The following ARHGEF17 variants were observed in gnomAD, a reference collection of about 807,000 sequenced individuals.
ARHGEF17 encodes the protein 164 kDa Rho-specific guanine-nucleotide exchange factor.
Under a neutral mutation model 174.0 loss-of-function variants are expected in ARHGEF17, and 80 were observed. The ratio of observed to expected loss-of-function variants is 0.46; its 90% CI spans 0.38 to 0.55. The LOEUF is 0.55. ARHGEF17 is among the 20% of genes least tolerant of loss of function. The probability of loss-of-function intolerance (pLI) is 0.00; values close to 1 mark genes in which losing one functional copy is unlikely to be tolerated. For synonymous variants in ARHGEF17, 1,311 were observed against 1,189.1 expected, an observed-to-expected ratio of 1.10 and a Z score of -2.11; for missense variants, 2,886 against 2,839.7, an observed-to-expected ratio of 1.02 and a Z score of -0.37.
intron 1 of ARHGEF17, among the ~76,000 whole-genome samples, chr11:73,321,330 C>T (rs991393304): frequency 6.6e-6 from 1 of 152,304 alleles, no homozygotes; most frequent in Admixed American, 6.5e-5. Flanking sequence ...TCAGCCCACA[C>T]GGGGAGGAGA....
chr11:73,364,141 T>C, intron 16 of ARHGEF17, 31 bp from the exon 17 acceptor site: 1 of 1,612,802 alleles, frequency 6.2e-7, no homozygotes. Flanking sequence ...CTGCCTGAAC[T>C]CCCTTACTGC....
At position 73,357,256 on chromosome 11, in the gene ARHGEF17, G is replaced by C; in HGVS notation, c.4016G>C (p.Ser1339Thr). 1.2e-6 allele frequency: 2 copies of C among 1,613,984 alleles called. No individual in the cohort carries two copies. Among genetic ancestry groups the C allele is most frequent in the Non-Finnish European group, 1.7e-6 (2 of 1,179,892 alleles). Residue 1339 changes from serine (S) to threonine (T), a missense_variant, in exon 9 of 21, where the codon AGT becomes ACT. Physicochemically the swap from Ser to Thr is moderately conservative, Grantham distance 58. This residue lies in a region of ARHGEF17 where 353 missense variants were observed against 470.3 expected (regional missense o/e 0.75). Coordinates refer to ENST00000263674, the MANE Select transcript of ARHGEF17 (RefSeq NM_014786.4). The part of the protein sequence containing the change: ...RSSMSLYTAA[S>T]VIDTASKYKM... ...GCTCCCCACAGGTACACGGCAGCCA[G>C]TGTCATTGACACAGCCAGCAAGTAC...
At chr11:73,316,139 A>G (rs183803224) in intron 1 of ARHGEF17, among the ~76,000 whole-genome samples, 18 of 152,350 alleles carry the variant, frequency 1.2e-4, no homozygotes, top group Admixed American at 5.9e-4. Context: ...GAGCTTGAAC[A>G]CTGAGCAAGA....
chr11:73,340,832 C>G (rs12291164), intron 1 of ARHGEF17, among the ~76,000 whole-genome samples: 9,143 of 152,294 alleles, frequency 0.06, 970 homozygotes, highest in African/African-American at 0.21. Flanking sequence ...AGCCACCACT[C>G]AGTCAATTGG....
Position 73,309,800 on chromosome 11 carries a change from C to T in ARHGEF17, c.1162C>T (p.Arg388Cys), listed in dbSNP as rs200132734. 6.2e-6 allele frequency: 10 copies of T among 1,612,950 alleles called. No individual in the cohort carries two copies. The Admixed American group carries it at 1.3e-4, about 22-fold the overall frequency. ...PSYLASPAGS[R>C]GSSRYSSTET... ...GTACCTGGCCAGCCCCGCAGGCTCC[C>T]GCGGTAGCAGCCGTTATTCCAGCAC... Residue 388 changes from arginine to cysteine, a missense_variant, in exon 1 of 21, where the codon CGC becomes TGC. Around this residue, in one of 4 missense-constraint regions of ARHGEF17, gnomAD observed 1,728 missense variants for 1,461.2 expected, o/e 1.18. Transcript: ENST00000263674.
chr11:73,351,961 C>T (rs1865561853), intron 2 of ARHGEF17, among the ~76,000 whole-genome samples: 1 of 152,064 alleles, frequency 6.6e-6, no homozygotes, highest in Non-Finnish European at 1.5e-5. Flanking sequence ...GTTTTAATAT[C>T]CCTAAATCAG....
rs778221186 is a variant in ARHGEF17, at chr11:73,308,893, C to A, written c.255C>A (p.Leu85=). ...GCCTCTCGCCGTCGGTTCGCCAGCT[C>A]TCCCGGCGCTTCGACGCGCCGCGTC... ...LRSLSPSVRQ[L]SRRFDAPRLD... Residue 85 remains leucine (L), a synonymous_variant, in exon 1 of 21, where the codon CTC becomes CTA. Coordinates refer to ENST00000263674, the MANE Select transcript of ARHGEF17 (RefSeq NM_014786.4). 5.1e-5 allele frequency: 69 copies of A among 1,365,012 alleles called. No individual in the cohort carries two copies. The highest frequency in any genetic ancestry group is 5.1e-4 in the Middle Eastern group (2 of 3,888). 84.6% of individuals were successfully genotyped at this position (1,365,012 alleles called of 1,614,324 possible). A position where few individuals can be genotyped will look rare whatever the true frequency, so the allele number is the denominator to read the frequency against.
intron 3 of ARHGEF17, among the ~76,000 whole-genome samples, chr11:73,354,506 G>A (rs1290443471): frequency 6.6e-6 from 1 of 152,132 alleles, no homozygotes; most frequent in African/African-American, 2.4e-5. Flanking sequence ...ATGAGGTCAG[G>A]AGTTTGAGAC....
At position 73,308,948 on chromosome 11, in the gene ARHGEF17, G is replaced by A. The variant is rs1331178169; in HGVS notation, c.310G>A (p.Gly104Arg). 6 of 1,359,878 alleles carry A rather than the reference G, an allele frequency of 4.4e-6. No homozygotes were observed. In the African/African-American group the frequency reaches 6.1e-5, roughly 14 times the overall value. 84.2% of individuals were successfully genotyped at this position (1,359,878 alleles called of 1,614,324 possible). The change falls in exon 1 of 21, where the codon GGA (glycine) becomes AGA (arginine). Residue 104 changes from glycine to arginine, a missense_variant. Coordinates refer to ENST00000263674, the MANE Select transcript of ARHGEF17 (RefSeq NM_014786.4). The part of the protein sequence containing the change: ...LDDGSAGTRD[G>R]GVLPAAAEEA... ...CGACGGCTCCGCTGGGACCCGAGAC[G>A]GAGGCGTCTTACCCGCGGCCGCGGA...
chr11:73,355,831 C>T (rs771610846), intron 4 of ARHGEF17, 30 bp from the exon 5 acceptor site: 1 of 1,612,210 alleles, frequency 6.2e-7, no homozygotes, highest in Non-Finnish European at 8.5e-7. Flanking sequence ...GCATGTCATT[C>T]CTCACATGAT....
chr11:73,357,904 G>T (rs1865672602), intron 9 of ARHGEF17, among the ~76,000 whole-genome samples: 1 of 152,208 alleles, frequency 6.6e-6, no homozygotes, highest in Non-Finnish European at 1.5e-5. Flanking sequence ...ACCCAGGCTG[G>T]CTCCTGGCTC....
At position 73,363,879 on chromosome 11, in the gene ARHGEF17, C is replaced by T. The variant is rs1865791746; in HGVS notation, c.5333+46C>T. 3 of 1,566,370 alleles carry T rather than the reference C, an allele frequency of 1.9e-6. No homozygotes were observed. In the African/African-American group the frequency reaches 4.1e-5, roughly 21 times the overall value. ...TTCCTATCTAGACTCTTCTCAGCCA[C>T]ACGTGCAGGCCTCCTTCTGTTCATC... On this transcript the variant is annotated intron_variant, in intron 16 of 20. Transcript: ENST00000263674.
Position 73,362,718 on chromosome 11 carries a change from C to G in ARHGEF17, c.4980C>G (p.Ile1660Met). The change falls in exon 14 of 21, where the codon ATC becomes ATG. Residue 1660 changes from isoleucine (I) to methionine (M), a missense_variant. Ile to Met is a conservative substitution (Grantham distance 10). Transcript: ENST00000263674. The part of the protein sequence containing the change: ...TLQSQASRST[I>M]SSSFGNEETP... ...AGAGCCAGGCCAGCCGGTCCACCAT[C>G]TCCTCCAGCTTTGGCAGTGAGCTTT... 6.2e-7 allele frequency: 1 copy of G among 1,603,550 alleles called. No homozygotes were observed. Among genetic ancestry groups the G allele is most frequent in the Non-Finnish European group, 8.5e-7 (1 of 1,176,508 alleles).
At position 73,355,538 on chromosome 11, in the gene ARHGEF17, C is replaced by T. The variant is rs749607468; in HGVS notation, c.3459C>T (p.Ser1153=). The part of the protein sequence containing the change: ...KVGALLVQSF[S]KDVLVNIYSA... The stretch of plus-strand genomic sequence containing the variant: ...ACCTGCCTCCTCCTCCACAGTTCTC[C>T]AAGGATGTCCTAGTAAACATCTATT... Residue 1153 remains serine (S), a synonymous_variant, in exon 4 of 21, where the codon TCC becomes TCT. Transcript: ENST00000263674. 1 of 1,612,978 alleles carries T rather than the reference C, an allele frequency of 6.2e-7. No individual in the cohort carries two copies.
chr11:73,310,817 G>A lies in ARHGEF17; in HGVS notation c.2179G>A (p.Ala727Thr), dbSNP rs878905296. The A allele has an allele frequency of 6.2e-7, 1 of 1,612,034 alleles. No homozygotes were observed. Among genetic ancestry groups the A allele is most frequent in the Non-Finnish European group, 8.5e-7 (1 of 1,179,640 alleles). Residue 727 changes from alanine (A) to threonine (T), a missense_variant, in exon 1 of 21, where the codon GCA (alanine) becomes ACA (threonine). Transcript: ENST00000263674. The stretch of plus-strand genomic sequence containing the variant: ...TGGGAGCGAATTGAGCAATGGGGAG[G>A]CAGGGGAGGCCTACAGGTCCCTGAG... ...SGGSELSNGEAGEAYRSLSDP... is the reference protein window; with the variant it reads ...SGGSELSNGETGEAYRSLSDP...
intron 1 of ARHGEF17, among the ~76,000 whole-genome samples, chr11:73,318,795 G>A (rs1043068525): frequency 6.6e-6 from 1 of 152,246 alleles, no homozygotes; most frequent in Admixed American, 6.5e-5. Flanking sequence ...TTAGTGTCCT[G>A]TTGCTGCAGT....
chr11:73,366,072 G>A, intron 20 of ARHGEF17, 125 bp downstream of exon 20: 1 of 1,296,962 alleles, frequency 7.7e-7, no homozygotes, highest in Non-Finnish European at 1.0e-6. Context: ...GGTGGCATAT[G>A]TGACAGGAAA....
chr11:73,353,881 G>T (rs1034897660), intron 3 of ARHGEF17, among the ~76,000 whole-genome samples: 1 of 152,170 alleles, frequency 6.6e-6, no homozygotes, highest in African/African-American at 2.4e-5. Context: ...GTATTTATAA[G>T]AATTTAATTA....
In ARHGEF17 at chr11:73,355,523, T is replaced by G. The variant is rs1404776007; in HGVS notation, c.3454-10T>G. The G allele has an allele frequency of 3.1e-6, 5 of 1,607,390 alleles. No homozygotes were observed. Among genetic ancestry groups the G allele is most frequent in the Non-Finnish European group, 8.5e-7 (1 of 1,174,028 alleles). The stretch of plus-strand genomic sequence containing the variant: ...CCTTGAGGGTCCCCAACCTGCCTCC[T>G]CCTCCACAGTTCTCCAAGGATGTCC... On this transcript the variant is annotated splice_polypyrimidine_tract_variant and intron_variant, in intron 3 of 20. Transcript: ENST00000263674.
Sources: allele counts gnomAD v4.1 joint callset (sites outside exome capture counted in the v4.1 genomes callset), GRCh38; gene constraint gnomAD v4.1.1; regional missense constraint gnomAD v4.1.1; transcripts MANE v1.5; gene names NCBI Gene and HGNC (gene_info 2026-07-23, HGNC 2026-07-21).